Variants in GNG2 observed in about 807,000 individuals in gnomAD.
GNG2 encodes the protein guanine nucleotide-binding protein G(I)/G(S)/G(O) subunit gamma-2.
A neutral mutation model predicts 5.5 loss-of-function variants in GNG2; 5 were observed. That is an observed-to-expected ratio of 0.91 (90% CI 0.48 to 1.92). The LOEUF (loss-of-function observed/expected upper bound fraction) is 1.92, where lower values mean the gene tolerates loss of function less well. Among genes scored for constraint, GNG2 ranks in the 30% most tolerant of loss-of-function variants. GNG2 has a pLI of 0.01. For missense variants in GNG2, 55 were observed against 88.4 expected (o/e 0.62, Z 1.52); for synonymous variants, 28 against 32.0 (o/e 0.88, Z 0.42).
chr14:51,868,861 C>T (rs987520052), intron 1 of GNG2, among the ~76,000 whole-genome samples: 5 of 152,204 alleles, frequency 3.3e-5, no homozygotes, highest in African/African-American at 4.8e-5. Context: ...TTGATTTACA[C>T]AGTCAGGAAG....
intron 1 of GNG2, among the ~76,000 whole-genome samples, chr14:51,871,336 A>C (rs1191338515): frequency 6.6e-6 from 1 of 151,648 alleles, no homozygotes; most frequent in Non-Finnish European, 1.5e-5. Context: ...CTAGGCAAAA[A>C]AAAAAAGGTC....
chr14:51,865,423 T>A (rs930026807), intron 1 of GNG2, among the ~76,000 whole-genome samples: 4 of 152,134 alleles, frequency 2.6e-5, no homozygotes, highest in Non-Finnish European at 5.9e-5. Context: ...ACCCCATAAA[T>A]ATACACAATT....
upstream of GNG2, among the ~76,000 whole-genome samples, chr14:51,858,982 T>C (rs1362722233): frequency 1.3e-5 from 2 of 152,238 alleles, no homozygotes; most frequent in East Asian, 1.9e-4. Context: ...GAACATTTCA[T>C]AGAAATTAAA....
Position 51,911,963 on chromosome 14 carries a change from T to C in GNG2, c.-30+34306T>C, listed in dbSNP as rs1033168046. Among the ~76,000 whole-genome samples, 12 of 148,474 alleles carry C rather than the reference T, an allele frequency of 8.1e-5. 4 individuals carry two copies. The highest frequency in any genetic ancestry group is 3.0e-4 in the African/African-American group (12 of 39,572). ...CTTAGTAAATGAAAAAAAGTATAGC[T>C]AATAGTGTCAGGCACTGTTCTAGGT... On this transcript the variant is annotated intron_variant, in intron 2 of 3. Transcript: ENST00000556766.
rs1229714727 is a variant in GNG2, at chr14:51,967,416, T to A, written c.*729T>A. On this transcript the variant is annotated 3_prime_UTR_variant, in exon 4 of 4. Coordinates refer to ENST00000556766, the MANE Select transcript of GNG2 (RefSeq NM_053064.5). ...GTAAAAGTAAATCCTGTGTTGTGAC[T>A]GGTGCTTTCATATATTTGTGACAAT... is the stretch of plus-strand genomic sequence containing the variant. 6.6e-6 allele frequency: 1 copy of A among 152,220 alleles called. No individual in the cohort carries two copies. Among genetic ancestry groups the A allele is most frequent in the Non-Finnish European group, 1.5e-5 (1 of 68,044 alleles). The allele number at this position is 152,220 out of a possible 1,614,324, so 9.4% of individuals were successfully genotyped here.
intron 2 of GNG2, chr14:51,847,450 T>C (rs1881669770): frequency 6.6e-6 from 1 of 152,200 alleles, no homozygotes; most frequent in Non-Finnish European, 1.5e-5. Context: ...ATGGTAAGAG[T>C]AGCCCTGACT....
chr14:51,953,398 A>G (rs1253634), intron 3 of GNG2, among the ~76,000 whole-genome samples: 77,012 of 152,000 alleles, frequency 0.51, 19,942 homozygotes, highest in Non-Finnish European at 0.57. Context: ...CGCAAACAAG[A>G]TATCCAAGAA....
chr14:51,953,588 T>C (rs1362836396), intron 3 of GNG2, among the ~76,000 whole-genome samples: 1 of 152,200 alleles, frequency 6.6e-6, no homozygotes, highest in East Asian at 1.9e-4. Flanking sequence ...TTGATGTCAT[T>C]GGACCTTACA....
intron 2 of GNG2, among the ~76,000 whole-genome samples, chr14:51,912,531 T>A (rs536638805): frequency 1.3e-5 from 2 of 152,244 alleles, no homozygotes; most frequent in African/African-American, 4.8e-5. Context: ...CCTAACACCA[T>A]CTCCAGGACA....
At chr14:51,929,952 T>A (rs971598530) in intron 2 of GNG2, among the ~76,000 whole-genome samples, 1 of 152,188 alleles carries the variant, frequency 6.6e-6, no homozygotes, top group African/African-American at 2.4e-5. Flanking sequence ...TATATCACCT[T>A]AATTTTAAGT....
chr14:51,878,686 A>G (rs1343828150), intron 2 of GNG2, among the ~76,000 whole-genome samples: 1 of 152,122 alleles, frequency 6.6e-6, no homozygotes, highest in African/African-American at 2.4e-5. Context: ...TCATATTTAT[A>G]AGGTCTGCAA....
chr14:51,864,816 G>A (rs72678125), intron 1 of GNG2, among the ~76,000 whole-genome samples: 28,803 of 152,148 alleles, frequency 0.19, 3,153 homozygotes, highest in East Asian at 0.39. Flanking sequence ...CTTTATAAGG[G>A]GGAGCAGTAA....
Position 51,921,392 on chromosome 14 carries a change from A to T in GNG2, c.-29-29258A>T, listed in dbSNP as rs541292007. Among the ~76,000 whole-genome samples the T allele has an allele frequency of 1.8e-4, 28 of 152,334 alleles. No homozygotes were observed. In the South Asian group the frequency reaches 2.7e-3, roughly 15 times the overall value. On this transcript the variant is annotated intron_variant, in intron 2 of 3. Coordinates refer to ENST00000556766, the MANE Select transcript of GNG2 (RefSeq NM_053064.5). ...ACCTCTTCTAAAGCCTGGACTCCAGAAGAGGCAGAATACTCGAGACCCTGG... is the reference window on the plus strand; with the variant it reads ...ACCTCTTCTAAAGCCTGGACTCCAGTAGAGGCAGAATACTCGAGACCCTGG...
chr14:51,914,978 C>T (rs760860162), intron 2 of GNG2, among the ~76,000 whole-genome samples: 27 of 152,232 alleles, frequency 1.8e-4, no homozygotes, highest in Non-Finnish European at 3.7e-4. Context: ...AAGCCTGTCA[C>T]TCCATGACTG....
intron 2 of GNG2, among the ~76,000 whole-genome samples, chr14:51,886,222 T>A (rs1458491288): frequency 6.6e-6 from 1 of 152,224 alleles, no homozygotes; most frequent in Non-Finnish European, 1.5e-5. Flanking sequence ...TTTGCTTTCC[T>A]CACATTTTAA....
At chr14:51,837,173 C>A (rs1215901053) in intron 2 of GNG2, among the ~76,000 whole-genome samples, 1 of 151,618 alleles carries the variant, frequency 6.6e-6, no homozygotes, top group Non-Finnish European at 1.5e-5. Flanking sequence ...CTCAACTTAA[C>A]GTTGATGAAA....
chr14:51,855,777 C>A (rs1413746301), upstream of GNG2, among the ~76,000 whole-genome samples: 1 of 152,152 alleles, frequency 6.6e-6, no homozygotes, highest in Non-Finnish European at 1.5e-5. Flanking sequence ...CAGCTGATGG[C>A]TCCTTTCTGA....
At chr14:51,884,145 C>T (rs1402392873) in intron 2 of GNG2, among the ~76,000 whole-genome samples, 1 of 152,002 alleles carries the variant, frequency 6.6e-6, no homozygotes, top group Non-Finnish European at 1.5e-5. Context: ...ACCATCTGTT[C>T]ATAAGCTTTT....
intron 2 of GNG2, among the ~76,000 whole-genome samples, chr14:51,889,109 C>CTTTT (rs1173479215): frequency 3.4e-5 from 4 of 118,932 alleles, no homozygotes; most frequent in Non-Finnish European, 3.5e-5. Flanking sequence ...TGGGTTTGCG[C>CTTTT]TTTTTTTTTT....
Sources: allele counts gnomAD v4.1 joint callset (sites outside exome capture counted in the v4.1 genomes callset), GRCh38; gene constraint gnomAD v4.1.1; transcripts MANE v1.5; gene names NCBI Gene and HGNC (gene_info 2026-07-23, HGNC 2026-07-21).